Variants in SEC63 observed in about 807,000 individuals in gnomAD.
SEC63 encodes translocation protein SEC63 homolog.
Under a neutral mutation model 116.2 loss-of-function variants are expected in SEC63, and 56 were observed. The ratio of observed to expected loss-of-function variants is 0.48; its 90% CI spans 0.39 to 0.60. SEC63 has a LOEUF of 0.60. Ranked by LOEUF, SEC63 falls within the 20% of genes least tolerant of loss-of-function variation. The pLI, the probability that SEC63 is intolerant of heterozygous loss-of-function variation, is 0.00. For synonymous variants in SEC63, 273 were observed against 294.6 expected, an observed-to-expected ratio of 0.93 and a Z score of 0.75; for missense variants, 668 against 900.0, an observed-to-expected ratio of 0.74 and a Z score of 3.30.
intron 1 of SEC63, among the ~76,000 whole-genome samples, chr6:107,942,624 G>A (rs931378136): frequency 6.6e-6 from 1 of 152,228 alleles, no homozygotes; most frequent in South Asian, 2.1e-4. Flanking sequence ...TGGGGTTAGG[G>A]GCCCTGTCCC....
At chr6:107,888,669 C>T (rs535402817) in intron 16 of SEC63, among the ~76,000 whole-genome samples, 25 of 152,224 alleles carry the variant, frequency 1.6e-4, no homozygotes, top group Middle Eastern at 3.4e-3. Flanking sequence ...TTGTCTTGTG[C>T]TGGTTTTCAA....
chr6:107,912,844 T>A, intron 5 of SEC63, 70 bp from the exon 6 acceptor site: 1 of 1,132,886 alleles, frequency 8.8e-7, no homozygotes, highest in South Asian at 1.3e-5. Flanking sequence ...TTAAATATAT[T>A]TGGGATCTAT....
intron 1 of SEC63, among the ~76,000 whole-genome samples, chr6:107,933,769 T>A (rs4945799): frequency 6.6e-6 from 1 of 150,830 alleles, no homozygotes; most frequent in Non-Finnish European, 1.5e-5. Flanking sequence ...CTCTGATGTC[T>A]AGCCGAAGCT....
At chr6:107,942,393 T>TC (rs1390206764) in intron 1 of SEC63, among the ~76,000 whole-genome samples, 4 of 152,204 alleles carry the variant, frequency 2.6e-5, no homozygotes, top group Non-Finnish European at 2.9e-5. Flanking sequence ...TGTTCACCCC[T>TC]CCTCTTTCCA....
At chr6:107,911,217 T>C (rs2114458358) in intron 7 of SEC63, 129 bp downstream of exon 7, 3 of 734,518 alleles carry the variant, frequency 4.1e-6, no homozygotes, top group South Asian at 3.2e-5. Context: ...TCACCTTCAG[T>C]GGCAAGACTC....
chr6:107,911,420 T>C lies in SEC63; in HGVS notation c.574-24A>G, dbSNP rs753488891. 3.4e-5 allele frequency: 52 copies of C among 1,521,488 alleles called. 1 individual carries two copies. The South Asian group carries it at 5.4e-4, about 16-fold the overall frequency. The allele number at this position is 1,521,488 out of a possible 1,614,324, so 94.2% of individuals were successfully genotyped here. A position where few individuals can be genotyped will look rare whatever the true frequency, so the allele number is the denominator to read the frequency against. On this transcript the variant is annotated intron_variant, in intron 6 of 20. Transcript: ENST00000369002. ...ACCTAAAATTGAAGAGAAAAAGAAT[T>C]ATGGCCTTCGTCAGGTAAATTAAAA...
chr6:107,934,369 C>A (rs34986465), intron 1 of SEC63, among the ~76,000 whole-genome samples: 1 of 151,002 alleles, frequency 6.6e-6, no homozygotes, highest in African/African-American at 2.4e-5. Context: ...CGTCTCTGCC[C>A]GGCCGCCCAT....
rs776025014 is a variant in SEC63 at position 107,902,986 on chromosome 6, C to T, written c.1067G>A (p.Arg356His). ...MARNREEREF[R>H]APTLASLENC... Reference sequence around the variant, plus strand: ...TTCTAGGGATGCCAAAGTTGGAGCACGAAACTCCCTTTCTTAGAAAGAACA... The same window carrying T: ...TTCTAGGGATGCCAAAGTTGGAGCATGAAACTCCCTTTCTTAGAAAGAACA... The change falls in exon 12 of 21, where the codon CGT becomes CAT. Residue 356 changes from arginine to histidine, a missense_variant. Transcript: ENST00000369002. 1.5e-5 allele frequency: 24 copies of T among 1,613,738 alleles called. No homozygotes were observed. Among genetic ancestry groups the T allele is most frequent in the Middle Eastern group, 1.6e-4 (1 of 6,084 alleles).
intron 16 of SEC63, among the ~76,000 whole-genome samples, chr6:107,884,900 A>G (rs764815150): frequency 1.4e-5 from 2 of 147,946 alleles, no homozygotes; most frequent in Non-Finnish European, 3.0e-5. Flanking sequence ...TAAATCCATC[A>G]ATCTAATTCA....
intron 4 of SEC63, among the ~76,000 whole-genome samples, chr6:107,916,236 T>A (rs1177109749): frequency 2.0e-5 from 3 of 152,224 alleles, no homozygotes; most frequent in Non-Finnish European, 4.4e-5. Context: ...AATCAAGGCA[T>A]ACCAATACTT....
chr6:107,908,011 G>A (rs1383355011), intron 8 of SEC63, among the ~76,000 whole-genome samples: 2 of 152,134 alleles, frequency 1.3e-5, no homozygotes, highest in African/African-American at 2.4e-5. Flanking sequence ...CCAGCTTTAG[G>A]AAGAGTAATA....
chr6:107,949,918 G>C (rs1428682572), intron 1 of SEC63, among the ~76,000 whole-genome samples: 1 of 152,194 alleles, frequency 6.6e-6, no homozygotes, highest in South Asian at 2.1e-4. Context: ...TTACAGGAAT[G>C]AAACACTGCA....
At position 107,876,567 on chromosome 6, in the gene SEC63, C is replaced by T. The variant is rs1562312284; in HGVS notation, c.2031G>A (p.Glu677=). The T allele has an allele frequency of 1.1e-5, 18 of 1,577,288 alleles. No individual in the cohort carries two copies. Among genetic ancestry groups the T allele is most frequent in the Non-Finnish European group, 1.6e-5 (18 of 1,150,160 alleles). ...AATCATGTTGCTTGATAGTTACCTC[C>T]TCTGTATCTTTCAGCGTACACACAT... ...PYHVCTLKDT[E]EVELKFPAPG... The change falls in exon 19 of 21, where the codon GAG becomes GAA. Residue 677 remains glutamate (E), a synonymous_variant. Coordinates refer to ENST00000369002, the MANE Select transcript of SEC63 (RefSeq NM_007214.5).
At position 107,871,643 on chromosome 6, in the gene SEC63, C is replaced by T. The variant is rs371790865; in HGVS notation, c.*61G>A. 3.8e-6 allele frequency: 6 copies of T among 1,566,978 alleles called. No individual in the cohort carries two copies. Among genetic ancestry groups the T allele is most frequent in the African/African-American group, 2.7e-5 (2 of 74,076 alleles). ...TGTACTGTTTCTGGTTTATGATACA[C>T]TTCCAAAACAGCAAAAAATTGCAAA... On this transcript the variant is annotated 3_prime_UTR_variant, in exon 21 of 21. Transcript: ENST00000369002.
chr6:107,908,874 C>CA (rs1398928017), intron 8 of SEC63, 53 bp downstream of exon 8: 1 of 985,290 alleles, frequency 1.0e-6, no homozygotes. Flanking sequence ...ATCAACCCCA[C>CA]ATAAGTCACA....
Position 107,886,832 on chromosome 6 carries a change from T to C in SEC63, c.1675-3686A>G, listed in dbSNP as rs191554523. 2.6e-3 allele frequency among the ~76,000 whole-genome samples: 394 copies of C among 149,794 alleles called. 2 individuals are homozygous for C. Among genetic ancestry groups the C allele is most frequent in the Non-Finnish European group, 3.5e-3 (236 of 67,692 alleles). On this transcript the variant is annotated intron_variant, in intron 16 of 20. Coordinates refer to ENST00000369002, the MANE Select transcript of SEC63 (RefSeq NM_007214.5). ...TGCCTGTTCACTCTGATGATAGTTT[T>C]TTGTTTTTTTGGGTTTTTTTTTTTT...
At chr6:107,874,416 A>G (rs1480877511) in intron 19 of SEC63, among the ~76,000 whole-genome samples, 1 of 152,142 alleles carries the variant, frequency 6.6e-6, no homozygotes. Flanking sequence ...AACACAGTGA[A>G]ACCCCGTCTC....
intron 4 of SEC63, among the ~76,000 whole-genome samples, chr6:107,916,429 T>C (rs1376823408): frequency 6.6e-6 from 1 of 152,242 alleles, no homozygotes; most frequent in African/African-American, 2.4e-5. Flanking sequence ...AGAAGAGACA[T>C]AGTCAATATC....
At chr6:107,956,613 G>T (rs945210812) in intron 1 of SEC63, among the ~76,000 whole-genome samples, 2 of 152,108 alleles carry the variant, frequency 1.3e-5, no homozygotes, top group Non-Finnish European at 2.9e-5. Flanking sequence ...GCATCTAATG[G>T]ATTTTTAAAC....
Sources: gnomAD v4.1 joint callset for allele counts (sites outside exome capture counted in the v4.1 genomes callset) on GRCh38, gnomAD v4.1.1 for gene constraint, MANE v1.5 for transcripts, NCBI Gene and HGNC (gene_info 2026-07-23, HGNC 2026-07-21) for gene names.